PRDX4: variants seen among roughly 807,000 people sequenced by gnomAD.
PRDX4 encodes peroxiredoxin 4.
In PRDX4, 12 loss-of-function variants were observed where a neutral mutation model predicts 20.5. The observed-to-expected ratio is 0.58, with a 90% CI of 0.37 to 0.95. The LOEUF (loss-of-function observed/expected upper bound fraction) is 0.95, where lower values mean the gene tolerates loss of function less well. PRDX4 is among the 40% of genes least tolerant of loss of function. The pLI, the probability that PRDX4 is intolerant of heterozygous loss-of-function variation, is 0.01. For missense variants in PRDX4, 180 were observed against 207.3 expected (o/e 0.87, Z 0.81); for synonymous variants, 99 against 87.5 (o/e 1.13, Z -0.73).
chrX:23,685,517 G>A (rs1928165354), intron 6 of PRDX4, among the ~76,000 whole-genome samples: 1 of 106,869 alleles, frequency 9.4e-6, no homozygotes, highest in East Asian at 2.9e-4. Flanking sequence ...TTAACATAGA[G>A]ATGAGTAAGT....
intron 2 of PRDX4, among the ~76,000 whole-genome samples, chrX:23,671,993 A>G (rs1431468037): frequency 8.9e-6 from 1 of 112,427 alleles, no homozygotes; most frequent in East Asian, 2.8e-4. Context: ...TCTTGATTAG[A>G]AAATTAATTC....
chrX:23,671,653 A>G lies in PRDX4; in HGVS notation c.359+7A>G. 1 of 1,047,168 alleles carries G rather than the reference A, an allele frequency of 9.5e-7. No individual in the cohort carries two copies. The highest frequency in any genetic ancestry group is 3.1e-5 in the East Asian group (1 of 32,093). 86.3% of individuals were successfully genotyped at this position (1,047,168 alleles called of 1,213,427 possible). On this transcript the variant is annotated splice_region_variant and intron_variant, in intron 2 of 6. Coordinates refer to ENST00000379341, the MANE Select transcript of PRDX4 (RefSeq NM_006406.2). Reference sequence around the variant, plus strand: ...TCTTCTACCCACTTGATTTGTAAGTAATACATGTAAATAGCTAGTAAAATC... The same window carrying G: ...TCTTCTACCCACTTGATTTGTAAGTGATACATGTAAATAGCTAGTAAAATC...
chrX:23,670,027 T>C (rs1340201595), intron 1 of PRDX4, among the ~76,000 whole-genome samples: 3 of 111,875 alleles, frequency 2.7e-5, no homozygotes, highest in Non-Finnish European at 5.6e-5. Context: ...GATTTAAGTA[T>C]TCTTTGTACT....
rs181678156 is a variant in PRDX4 at position 23,675,918 on chromosome X, C to T, written c.476+812C>T. Among the ~76,000 whole-genome samples, 749 of 110,700 alleles carry T rather than the reference C, an allele frequency of 6.8e-3. 9 individuals carry two copies. Among genetic ancestry groups the T allele is most frequent in the African/African-American group, 0.024 (721 of 30,476 alleles). On this transcript the variant is annotated intron_variant, in intron 3 of 6. Transcript: ENST00000379341. ...CCGAGGCAGGCAGATCACCTGAGGT[C>T]GGGAGTTCGAGACCAGCCTGACCAA...
chrX:23,685,610 C>T (rs977172649), intron 6 of PRDX4, among the ~76,000 whole-genome samples: 6 of 110,819 alleles, frequency 5.4e-5, no homozygotes, highest in African/African-American at 2.0e-4. Context: ...CAGTCAATTA[C>T]AAAAGTTACA....
At chrX:23,672,465 T>G (rs1219808431) in intron 2 of PRDX4, among the ~76,000 whole-genome samples, 2 of 111,811 alleles carry the variant, frequency 1.8e-5, no homozygotes, top group Non-Finnish European at 3.8e-5. Context: ...TTTAACTCTG[T>G]GACAGTGAGC....
chrX:23,672,562 C>G (rs1172112786), intron 2 of PRDX4, among the ~76,000 whole-genome samples: 1 of 112,078 alleles, frequency 8.9e-6, no homozygotes, highest in Non-Finnish European at 1.9e-5. Flanking sequence ...TTTTACAAAA[C>G]ACTATTTTGA....
intron 1 of PRDX4, among the ~76,000 whole-genome samples, chrX:23,669,682 C>T (rs12400219): frequency 9.0e-6 from 1 of 111,078 alleles, no homozygotes. Context: ...TTTGGGAGGC[C>T]GAGGCCATCC....
intron 3 of PRDX4, among the ~76,000 whole-genome samples, chrX:23,678,883 G>A (rs1928002821): frequency 9.0e-6 from 1 of 111,295 alleles, no homozygotes; most frequent in Admixed American, 9.6e-5. Context: ...AGGCTACGCT[G>A]AGCTATGATC....
intron 2 of PRDX4, among the ~76,000 whole-genome samples, chrX:23,671,990 T>C (rs948458957): frequency 8.9e-6 from 1 of 112,450 alleles, no homozygotes; most frequent in African/African-American, 3.2e-5. Context: ...CTCTCTTGAT[T>C]AGAAAATTAA....
intron 6 of PRDX4, 58 bp downstream of exon 6, chrX:23,683,763 G>A (rs773265260): frequency 2.8e-6 from 3 of 1,074,851 alleles, no homozygotes; most frequent in African/African-American, 1.9e-5. Flanking sequence ...AAAAAATGCT[G>A]GCCGGGCGCA....
chrX:23,670,643 G>T (rs777227830), intron 1 of PRDX4, among the ~76,000 whole-genome samples: 1 of 112,236 alleles, frequency 8.9e-6, no homozygotes, highest in Admixed American at 9.5e-5. Context: ...AGGTGCATTA[G>T]TATCTAAGTG....
At chrX:23,684,047 CAAAAAAA>C (rs3063544) in intron 6 of PRDX4, among the ~76,000 whole-genome samples, 2 of 58,239 alleles carry the variant, frequency 3.4e-5, no homozygotes. Flanking sequence ...GACTCCTTCT[CAAAAAAA>C]AAAAAAAAAA....
intron 6 of PRDX4, among the ~76,000 whole-genome samples, chrX:23,684,262 A>G (rs1330263917): frequency 9.4e-6 from 1 of 106,584 alleles, no homozygotes; most frequent in Non-Finnish European, 1.9e-5. Flanking sequence ...ACACCGTTCG[A>G]AAAAAAAAAG....
At chrX:23,671,027 A>G (rs1380324311) in intron 1 of PRDX4, among the ~76,000 whole-genome samples, 1 of 112,254 alleles carries the variant, frequency 8.9e-6, no homozygotes, top group Non-Finnish European at 1.9e-5. Context: ...TGTGAGCATG[A>G]ATAGGGGAAA....
chrX:23,681,089 G>A (rs1238471416), intron 4 of PRDX4, among the ~76,000 whole-genome samples: 4 of 110,389 alleles, frequency 3.6e-5, no homozygotes, highest in Non-Finnish European at 7.6e-5. Flanking sequence ...AAAATTAGCC[G>A]GGCGTGGTGG....
At chrX:23,672,678 A>T (rs1403429999) in intron 2 of PRDX4, among the ~76,000 whole-genome samples, 1 of 112,191 alleles carries the variant, frequency 8.9e-6, no homozygotes, top group Non-Finnish European at 1.9e-5. Flanking sequence ...AAATAACTAG[A>T]AGTTTCCTCC....
intron 2 of PRDX4, among the ~76,000 whole-genome samples, chrX:23,673,713 G>A (rs190930729): frequency 1.0e-4 from 11 of 107,730 alleles, no homozygotes; most frequent in Admixed American, 5.0e-4. Context: ...CTGAGATCGC[G>A]CCACTGCACT....
At chrX:23,676,081 T>G (rs1189766410) in intron 3 of PRDX4, among the ~76,000 whole-genome samples, 1 of 94,904 alleles carries the variant, frequency 1.1e-5, no homozygotes, top group Non-Finnish European at 2.0e-5. Flanking sequence ...TGAGCCGAGG[T>G]CACGCCATTG....
Sources: allele counts gnomAD v4.1 joint callset (sites outside exome capture counted in the v4.1 genomes callset), GRCh38; gene constraint gnomAD v4.1.1; transcripts MANE v1.5; gene names NCBI Gene and HGNC (gene_info 2026-07-23, HGNC 2026-07-21).